RAPH1: variants seen among roughly 807,000 people sequenced by gnomAD.
The protein encoded by RAPH1 is ras-associated and pleckstrin homology domains-containing protein 1.
In RAPH1, 18 loss-of-function variants were observed where a neutral mutation model predicts 88.1. The observed-to-expected ratio is 0.20, with a 90% CI of 0.14 to 0.30. The LOEUF is 0.30. Ranked by LOEUF, RAPH1 falls within the 10% of genes least tolerant of loss-of-function variation. The pLI, the probability that RAPH1 is intolerant of heterozygous loss-of-function variation, is 1.00. For missense variants in RAPH1, 1,448 were observed against 1,543.2 expected (o/e 0.94, Z 1.03); for synonymous variants, 587 against 559.0 (o/e 1.05, Z -0.71).
chr2:203,453,992 G>A (rs1248707128), intron 10 of RAPH1, among the ~76,000 whole-genome samples: 1 of 152,072 alleles, frequency 6.6e-6, no homozygotes, highest in East Asian at 1.9e-4. Flanking sequence ...GGGAAAAAAA[G>A]AGACAAAAAT....
intron 1 of RAPH1, among the ~76,000 whole-genome samples, chr2:203,505,075 C>A (rs901263144): frequency 2.6e-5 from 4 of 152,284 alleles, no homozygotes; most frequent in African/African-American, 9.6e-5. Flanking sequence ...TTCTTCTGAG[C>A]CCTCCAAACT....
rs542915437 is a variant in RAPH1 at position 203,482,374 on chromosome 2, T to C, written c.732+7210A>G. Among the ~76,000 whole-genome samples, 52 of 152,062 alleles carry C rather than the reference T, an allele frequency of 3.4e-4. 1 individual carries two copies. Among genetic ancestry groups the C allele is most frequent in the African/African-American group, 1.1e-3 (47 of 41,510 alleles). ...CTAATTTATGTATTTTTAGTAGAGATGGGGTTTCACCATGTTAGCCAGGAT... is the reference window on the plus strand; with the variant it reads ...CTAATTTATGTATTTTTAGTAGAGACGGGGTTTCACCATGTTAGCCAGGAT... On this transcript the variant is annotated intron_variant, in intron 4 of 13. Transcript: ENST00000319170.
chr2:203,524,196 A>G (rs1160582048), intron 1 of RAPH1, among the ~76,000 whole-genome samples: 2 of 152,204 alleles, frequency 1.3e-5, no homozygotes, highest in African/African-American at 4.8e-5. Context: ...ATTGCTCAAC[A>G]TCAATAATAA....
intron 4 of RAPH1, among the ~76,000 whole-genome samples, chr2:203,487,949 T>C (rs1042962940): frequency 1.3e-5 from 2 of 152,198 alleles, no homozygotes; most frequent in African/African-American, 2.4e-5. Context: ...AAATCAATGA[T>C]GTCAAGTAAT....
At chr2:203,513,349 A>ATT (rs1689443154) in intron 1 of RAPH1, among the ~76,000 whole-genome samples, 1 of 117,488 alleles carries the variant, frequency 8.5e-6, no homozygotes, top group Non-Finnish European at 1.6e-5. Flanking sequence ...TTTTCTCTCA[A>ATT]TCTTTTTTTT....
At chr2:203,483,720 T>C (rs936443002) in intron 4 of RAPH1, among the ~76,000 whole-genome samples, 9 of 152,162 alleles carry the variant, frequency 5.9e-5, no homozygotes, top group Non-Finnish European at 1.0e-4. Context: ...GGGTAGGCAC[T>C]ATCCAATTGA....
intron 1 of RAPH1, among the ~76,000 whole-genome samples, chr2:203,520,404 G>C (rs931325167): frequency 6.6e-6 from 1 of 151,770 alleles, no homozygotes; most frequent in African/African-American, 2.4e-5. Flanking sequence ...GAGGCGGGTG[G>C]ATCACCTGAG....
rs750942596 is a variant in RAPH1, at chr2:203,448,753, C to T, written c.1497G>A (p.Gly499=). The part of the protein sequence containing the change: ...DVRTLHQWVN[G]IRIAKYGKQL... ...GGAGACATGCCTTTGCAATGCGGAT[C>T]CCATTGACCCACTGATGCAGTGTCC... The change falls in exon 11 of 14, where the codon GGG becomes GGA. Residue 499 remains glycine (G), a synonymous_variant. Transcript: ENST00000319170. The surrounding 1 kb of genome is among the most constrained non-coding windows in gnomAD (Gnocchi z 4.1). The T allele has an allele frequency of 6.2e-7, 1 of 1,601,714 alleles. No individual in the cohort carries two copies. The highest frequency in any genetic ancestry group is 8.5e-7 in the Non-Finnish European group (1 of 1,173,192).
rs745742424 is a variant in RAPH1 at position 203,438,427 on chromosome 2, AT to A, written c.*1009del. On this transcript the variant is annotated 3_prime_UTR_variant, in exon 14 of 14. Coordinates refer to ENST00000319170, the MANE Select transcript of RAPH1 (RefSeq NM_213589.3). ...GGGGCACAGGATGTGTATATTTCAT[AT>A]ACCAATTGTCTACAGATATGTAATA... is the stretch of plus-strand genomic sequence containing the variant. The A allele has an allele frequency of 2.8e-5, 9 of 325,990 alleles. No individual in the cohort carries two copies. Among genetic ancestry groups the A allele is most frequent in the African/African-American group, 4.4e-5 (2 of 45,854 alleles). 20.2% of individuals were successfully genotyped at this position (325,990 alleles called of 1,614,324 possible). A position where few individuals can be genotyped will look rare whatever the true frequency, so the allele number is the denominator to read the frequency against.
intron 10 of RAPH1, among the ~76,000 whole-genome samples, chr2:203,450,832 G>C (rs753385059): frequency 6.6e-6 from 1 of 151,864 alleles, no homozygotes; most frequent in East Asian, 1.9e-4. Context: ...GACTGCATAG[G>C]TGTTCAACTG....
chr2:203,533,367 G>C (rs1213460034), intron 1 of RAPH1: 1 of 152,142 alleles, frequency 6.6e-6, no homozygotes, highest in East Asian at 1.9e-4. Context: ...GTACTTACTT[G>C]AGTAGGGCTG....
At position 203,435,406 on chromosome 2, in the gene RAPH1, T is replaced by TA. The variant is rs2098497717; in HGVS notation, c.*4030dup. 1 of 151,594 alleles carries TA rather than the reference T, an allele frequency of 6.6e-6. No individual in the cohort carries two copies. Among genetic ancestry groups the TA allele is most frequent in the African/African-American group, 2.4e-5 (1 of 41,192 alleles). 9.4% of individuals were successfully genotyped at this position (151,594 alleles called of 1,614,324 possible). ...AAAACCTTAAAAGATAATAAGTATC[T>TA]AATTCTTTTATACTTGCATTTCTCT... is the stretch of plus-strand genomic sequence containing the variant. On this transcript the variant is annotated 3_prime_UTR_variant, in exon 14 of 14. Coordinates refer to ENST00000319170, the MANE Select transcript of RAPH1 (RefSeq NM_213589.3).
chr2:203,489,892 TA>T lies in RAPH1; in HGVS notation c.423del (p.Asn141LysfsTer3). ...CTGGCATGGGAAGGTTTAGCTATCC[TA>T]TTAGATGAAGAAGATAATCCTTTCA... Reference protein sequence around the residue: ...GTLKGLSSSSNRIAKPSHASY... With the variant: ...GTLKGLSSSSXRIAKPSHASY... On this transcript the variant is annotated frameshift_variant, in exon 4 of 14. Coordinates refer to ENST00000319170, the MANE Select transcript of RAPH1 (RefSeq NM_213589.3). LOFTEE classifies it high-confidence loss of function. 6.2e-7 allele frequency: 1 copy of T among 1,614,260 alleles called. No homozygotes were observed.
intron 1 of RAPH1, among the ~76,000 whole-genome samples, chr2:203,521,681 T>C (rs1461627171): frequency 6.6e-6 from 1 of 152,112 alleles, no homozygotes; most frequent in East Asian, 1.9e-4. Context: ...AAATGTAACA[T>C]ATGCTTATTG....
At position 203,499,263 on chromosome 2, in the gene RAPH1, G is replaced by A. The variant is rs1279649982; in HGVS notation, c.1-3910C>T. Among the ~76,000 whole-genome samples, 6 of 152,140 alleles carry A rather than the reference G, an allele frequency of 3.9e-5. No individual in the cohort carries two copies. In the South Asian group the frequency reaches 1.0e-3, roughly 26 times the overall value. ...TGTTTTGATCTAGACTACTACTGCC[G>A]ACTTAAGGAAAATATCGCTAGAGAA... is the stretch of plus-strand genomic sequence containing the variant. On this transcript the variant is annotated intron_variant, in intron 1 of 13. Coordinates refer to ENST00000319170, the MANE Select transcript of RAPH1 (RefSeq NM_213589.3).
chr2:203,527,800 CAAAAAAAAAAA>C (rs59384499), intron 1 of RAPH1, among the ~76,000 whole-genome samples: 4 of 51,242 alleles, frequency 7.8e-5, no homozygotes, highest in Non-Finnish European at 1.7e-4. Flanking sequence ...AACTCCATCT[CAAAAAAAAAAA>C]AAAAAAAAAA....
At position 203,470,348 on chromosome 2, in the gene RAPH1, G is replaced by A. The variant is rs751502021; in HGVS notation, c.733-8423C>T. On this transcript the variant is annotated intron_variant, in intron 4 of 13. Transcript: ENST00000319170. ...AAAAGAGAAAAACAAACAAAAAAAG[G>A]CAATAACAGAAGTCAGTGGAGGTTT... The A allele has an allele frequency of 2.1e-6, 3 of 1,448,652 alleles. No individual in the cohort carries two copies. The East Asian group carries it at 6.9e-5, about 33-fold the overall frequency. The allele number at this position is 1,448,652 out of a possible 1,614,324, so 89.7% of individuals were successfully genotyped here.
At chr2:203,495,999 G>A (rs1200740202) in intron 1 of RAPH1, among the ~76,000 whole-genome samples, 1 of 152,202 alleles carries the variant, frequency 6.6e-6, no homozygotes, top group Non-Finnish European at 1.5e-5. Flanking sequence ...TCCAAATCCT[G>A]TTATGTGGTG....
chr2:203,465,392 A>T (rs2098527674), intron 4 of RAPH1, among the ~76,000 whole-genome samples: 1 of 152,224 alleles, frequency 6.6e-6, no homozygotes, highest in Admixed American at 6.5e-5. Flanking sequence ...CAATCTCAGA[A>T]AGATATTTAG....
Sources: allele counts gnomAD v4.1 joint callset (sites outside exome capture counted in the v4.1 genomes callset), GRCh38; gene constraint gnomAD v4.1.1; non-coding constraint Gnocchi (gnomAD v3.1); transcripts MANE v1.5; gene names NCBI Gene and HGNC (gene_info 2026-07-23, HGNC 2026-07-21).